CCDC7: variants seen among roughly 807,000 people sequenced by gnomAD.
CCDC7 encodes coiled-coil domain containing 7.
In CCDC7, 183 loss-of-function variants were observed where a neutral mutation model predicts 196.9. The observed-to-expected ratio is 0.93, with a 90% CI of 0.82 to 1.05. The LOEUF is 1.05. Among genes scored for constraint, CCDC7 ranks in the 50% least tolerant of loss-of-function variants. The pLI is 0.00. For synonymous variants in CCDC7, 525 were observed against 484.6 expected (o/e 1.08, Z -1.10); for missense variants, 1,540 against 1,482.2 (o/e 1.04, Z -0.64).
At chr10:32,561,949 T>A (rs2055752456) in intron 13 of CCDC7, among the ~76,000 whole-genome samples, 1 of 151,908 alleles carries the variant, frequency 6.6e-6, no homozygotes, top group African/African-American at 2.4e-5. Context: ...ATAGACGCAA[T>A]AAAAAATGAT....
chr10:32,804,047 T>C (rs2085332611), intron 29 of CCDC7, among the ~76,000 whole-genome samples: 1 of 152,156 alleles, frequency 6.6e-6, no homozygotes, highest in African/African-American at 2.4e-5. Context: ...TTCATGAATT[T>C]AACTATTTCT....
intron 23 of CCDC7, among the ~76,000 whole-genome samples, chr10:32,690,062 A>G (rs2076913091): frequency 6.6e-6 from 1 of 152,168 alleles, no homozygotes; most frequent in South Asian, 2.1e-4. Flanking sequence ...GTTAGACCAG[A>G]AAGGATCAAA....
chr10:32,629,561 T>C (rs1446435431), intron 18 of CCDC7, among the ~76,000 whole-genome samples: 1 of 152,070 alleles, frequency 6.6e-6, no homozygotes, highest in Non-Finnish European at 1.5e-5. Flanking sequence ...CAGGGAAGAA[T>C]GTGCGAGGGT....
Position 32,861,115 on chromosome 10 carries a change from C to CAAAAAAAAAAAAAAAAAAA in CCDC7, c.4111+6627_4111+6645dup, listed in dbSNP as rs142801821. 7.8e-4 allele frequency among the ~76,000 whole-genome samples: 76 copies of CAAAAAAAAAAAAAAAAAAA among 97,032 alleles called. 1 individual carries two copies. Among genetic ancestry groups the CAAAAAAAAAAAAAAAAAAA allele is most frequent in the Non-Finnish European group, 1.2e-3 (60 of 50,884 alleles). 63.7% of individuals were successfully genotyped at this position (97,032 alleles called of 152,430 possible). A position where few individuals can be genotyped will look rare whatever the true frequency, so the allele number is the denominator to read the frequency against. On this transcript the variant is annotated intron_variant, in intron 41 of 41. Transcript: ENST00000639629. ...CCTGCATAGCCAAGACAATCATAAGCAAAAAAAAAAAAAAAAAAAGAAAGC... is the reference window on the plus strand; with the variant it reads ...CCTGCATAGCCAAGACAATCATAAGCAAAAAAAAAAAAAAAAAAAAAAAAAAAAAAAAAAAAAAGAAAGC...
At chr10:32,750,442 A>G (rs771670095) in intron 28 of CCDC7, among the ~76,000 whole-genome samples, 49 of 152,192 alleles carry the variant, frequency 3.2e-4, no homozygotes, top group Non-Finnish European at 6.8e-4. Context: ...AACCTTGAAG[A>G]GGAAAGGAGA....
intron 31 of CCDC7, among the ~76,000 whole-genome samples, chr10:32,819,541 C>T (rs1223871487): frequency 6.6e-6 from 1 of 152,080 alleles, no homozygotes; most frequent in African/African-American, 2.4e-5. Context: ...CAATATCCCT[C>T]ATGAACATCG....
chr10:32,668,018 A>G (rs2073195573), intron 21 of CCDC7, among the ~76,000 whole-genome samples: 1 of 151,922 alleles, frequency 6.6e-6, no homozygotes, highest in Non-Finnish European at 1.5e-5. Flanking sequence ...ATGTTCTTCC[A>G]TTTGTTTGTA....
At chr10:32,566,231 AT>A (rs1307629622) in intron 14 of CCDC7, among the ~76,000 whole-genome samples, 1 of 152,204 alleles carries the variant, frequency 6.6e-6, no homozygotes, top group Non-Finnish European at 1.5e-5. Context: ...GAATTGATAT[AT>A]TCATCTGTTT....
chr10:32,522,739 G>A (rs1477514536), intron 11 of CCDC7, among the ~76,000 whole-genome samples: 2 of 151,620 alleles, frequency 1.3e-5, no homozygotes, highest in Non-Finnish European at 2.9e-5. Flanking sequence ...TAGTTTTTTT[G>A]TTGCTTCATT....
chr10:32,613,497 G>A (rs1014574399), intron 18 of CCDC7, among the ~76,000 whole-genome samples: 3 of 152,014 alleles, frequency 2.0e-5, no homozygotes, highest in African/African-American at 7.2e-5. Flanking sequence ...TCTTTTAATT[G>A]TGATGTTAGG....
intron 18 of CCDC7, among the ~76,000 whole-genome samples, chr10:32,595,871 C>A (rs192246481): frequency 6.8e-4 from 103 of 152,264 alleles, no homozygotes; most frequent in African/African-American, 2.3e-3. Context: ...GTTGCTTAAT[C>A]CTGAGTTCTA....
intron 16 of CCDC7, among the ~76,000 whole-genome samples, chr10:32,573,487 C>T (rs1367128081): frequency 6.6e-6 from 1 of 152,082 alleles, no homozygotes; most frequent in Non-Finnish European, 1.5e-5. Flanking sequence ...CAGTTACTTT[C>T]CATGGGTGTT....
chr10:32,563,930 C>T (rs1049914969), intron 13 of CCDC7, among the ~76,000 whole-genome samples: 6 of 152,134 alleles, frequency 3.9e-5, no homozygotes, highest in African/African-American at 1.4e-4. Context: ...CCAGAATCTA[C>T]AAAGAACTCC....
intron 21 of CCDC7, among the ~76,000 whole-genome samples, chr10:32,668,296 A>C (rs904194145): frequency 6.6e-6 from 1 of 152,188 alleles, no homozygotes; most frequent in Non-Finnish European, 1.5e-5. Context: ...TTCTAGATAT[A>C]CAATCATGTC....
chr10:32,703,862 C>T (rs913854232), intron 24 of CCDC7, among the ~76,000 whole-genome samples: 2 of 152,060 alleles, frequency 1.3e-5, no homozygotes, highest in Admixed American at 6.5e-5. Context: ...GTTTTCAGCT[C>T]CATCATGTCC....
downstream of CCDC7, among the ~76,000 whole-genome samples, chr10:32,878,157 T>C (rs921768753): frequency 7.2e-5 from 11 of 152,126 alleles, no homozygotes; most frequent in Non-Finnish European, 1.6e-4. Context: ...GTATGACTCA[T>C]ATGTGGCTCT....
chr10:32,642,080 G>T (rs183249136), intron 20 of CCDC7, among the ~76,000 whole-genome samples: 13 of 152,340 alleles, frequency 8.5e-5, no homozygotes, highest in Non-Finnish European at 1.6e-4. Context: ...GTGCCTCCCA[G>T]TTAGGCTACT....
intron 15 of CCDC7, among the ~76,000 whole-genome samples, chr10:32,568,756 C>T (rs764988896): frequency 2.0e-5 from 3 of 152,184 alleles, no homozygotes; most frequent in Non-Finnish European, 2.9e-5. Flanking sequence ...TAGTCATTTA[C>T]ACAAGACCAT....
At chr10:32,643,535 A>C (rs2067213871) in intron 20 of CCDC7, among the ~76,000 whole-genome samples, 3 of 151,990 alleles carry the variant, frequency 2.0e-5, no homozygotes, top group Admixed American at 2.0e-4. Flanking sequence ...TTGGATTTAA[A>C]TATTTTGAGC....
Sources: gnomAD v4.1 joint callset for allele counts (sites outside exome capture counted in the v4.1 genomes callset) on GRCh38, gnomAD v4.1.1 for gene constraint, MANE v1.5 for transcripts, NCBI Gene and HGNC (gene_info 2026-07-23, HGNC 2026-07-21) for gene names.